The following PLA2G4D variants were observed in gnomAD, a reference collection of about 807,000 sequenced individuals.
The protein encoded by PLA2G4D is phospholipase A2 group IVD, also known as cytosolic phospholipase A2 delta.
A neutral mutation model predicts 94.4 loss-of-function variants in PLA2G4D; 80 were observed. The ratio of observed to expected loss-of-function variants is 0.85; its 90% CI spans 0.71 to 1.02. The LOEUF is 1.02. Among genes scored for constraint, PLA2G4D ranks in the 50% least tolerant of loss-of-function variants. The pLI, the probability that PLA2G4D is intolerant of heterozygous loss-of-function variation, is 0.00. For synonymous variants in PLA2G4D, 438 were observed against 440.9 expected (o/e 0.99, Z 0.08); for missense variants, 1,050 against 1,034.7 (o/e 1.01, Z -0.20).
At chr15:42,079,389 A>G (rs570404087) in intron 13 of PLA2G4D, 148 bp downstream of exon 13, 3 of 752,826 alleles carry the variant, frequency 4.0e-6, no homozygotes, top group Non-Finnish European at 6.1e-6. Context: ...CTAACTCAGA[A>G]AGGCAGCATT....
rs1566863208 is a variant in PLA2G4D, at chr15:42,081,144, CACAG to C, written c.958-15_958-12del. 1.2e-5 allele frequency: 19 copies of C among 1,611,546 alleles called. No homozygotes were observed. Among genetic ancestry groups the C allele is most frequent in the Non-Finnish European group, 1.5e-5 (18 of 1,178,448 alleles). On this transcript the variant is annotated splice_polypyrimidine_tract_variant and intron_variant, in intron 11 of 19. Transcript: ENST00000290472. The stretch of plus-strand genomic sequence containing the variant: ...GCCCACAACGGGTACCTGGACCACA[CACAG>C]ACAGGCTGGATTAACAAGGAAAGGG...
In PLA2G4D at chr15:42,068,005, C is replaced by T. The variant is rs1479569345; in HGVS notation, c.*710G>A. 2 of 152,190 alleles carry T rather than the reference C, an allele frequency of 1.3e-5. No individual in the cohort carries two copies. Among genetic ancestry groups the T allele is most frequent in the Admixed American group, 1.3e-4 (2 of 15,274 alleles). 9.4% of individuals were successfully genotyped at this position (152,190 alleles called of 1,614,324 possible). On this transcript the variant is annotated 3_prime_UTR_variant, in exon 20 of 20. Coordinates refer to ENST00000290472, the MANE Select transcript of PLA2G4D (RefSeq NM_178034.4). ...ATCAGACAGGAAGAAGTAAAACCAT[C>T]TCTATTTGGAGATGGCATGATCTGT...
At chr15:42,071,613 G>T in intron 15 of PLA2G4D, 62 bp from the exon 16 acceptor site, 1 of 1,533,742 alleles carries the variant, frequency 6.5e-7, no homozygotes, top group Non-Finnish European at 8.9e-7. Context: ...CTCAGGTACT[G>T]ATGGAAAATG....
chr15:42,069,191 CACATGTCTCT>C (rs1889750698), intron 19 of PLA2G4D, among the ~76,000 whole-genome samples: 1 of 152,168 alleles, frequency 6.6e-6, no homozygotes, highest in Non-Finnish European at 1.5e-5. Flanking sequence ...CAGGCAGCCC[CACATGTCTCT>C]ACATCGCTTC....
Position 42,082,760 on chromosome 15 carries a change from TGAG to T in PLA2G4D, c.673-374_673-372del, listed in dbSNP as rs377616093. Reference sequence around the variant, plus strand: ...AGAGCCACCATTTGAGCTAAGATGTTGAGGAGGAGGAGGAGGAGGCAGCCTTGG... The same window carrying T: ...AGAGCCACCATTTGAGCTAAGATGTTGAGGAGGAGGAGGAGGCAGCCTTGG... On this transcript the variant is annotated intron_variant, in intron 8 of 19. Transcript: ENST00000290472. Among the ~76,000 whole-genome samples, 160 of 151,516 alleles carry T rather than the reference TGAG, an allele frequency of 1.1e-3. 1 individual carries two copies. The highest frequency in any genetic ancestry group is 3.8e-3 in the African/African-American group (155 of 41,332).
At chr15:42,088,957 C>T (rs1890202317) in intron 1 of PLA2G4D, among the ~76,000 whole-genome samples, 1 of 152,192 alleles carries the variant, frequency 6.6e-6, no homozygotes, top group Non-Finnish European at 1.5e-5. Flanking sequence ...CCCTGCTGAA[C>T]AACCCAGAGA....
chr15:42,083,914 TGC>T (rs1367592095), intron 6 of PLA2G4D, 135 bp from the exon 7 acceptor site: 33 of 823,812 alleles, frequency 4.0e-5, no homozygotes, highest in Middle Eastern at 2.7e-4. Context: ...TGGGATTGGC[TGC>T]AGAGGCCCTT....
intron 1 of PLA2G4D, among the ~76,000 whole-genome samples, chr15:42,091,817 A>G (rs1852015623): frequency 6.6e-6 from 1 of 152,144 alleles, no homozygotes; most frequent in Non-Finnish European, 1.5e-5. Flanking sequence ...TGCAGAAATA[A>G]TGGCGTAAGC....
intron 3 of PLA2G4D, among the ~76,000 whole-genome samples, chr15:42,086,617 G>T (rs1399833070): frequency 6.6e-6 from 1 of 152,192 alleles, no homozygotes; most frequent in Non-Finnish European, 1.5e-5. Context: ...TTGGGAGGCT[G>T]AGGTGGGTGG....
At position 42,070,872 on chromosome 15, in the gene PLA2G4D, C is replaced by A; in HGVS notation, c.1888G>T (p.Asp630Tyr). The A allele has an allele frequency of 6.2e-7, 1 of 1,611,646 alleles. No homozygotes were observed. The highest frequency in any genetic ancestry group is 1.1e-5 in the South Asian group (1 of 90,432). Residue 630 changes from aspartate to tyrosine, a missense_variant, in exon 18 of 20, where the codon GAC becomes TAC. By Grantham distance (160) the Asp-to-Tyr change is radical. Coordinates refer to ENST00000290472, the MANE Select transcript of PLA2G4D (RefSeq NM_178034.4). Reference sequence around the variant, plus strand: ...GGGGTCAGCTGGCTGGGCATGGAGTCAAGCTGGTAGTCTGGTGGGAATCGC... The same window carrying A: ...GGGGTCAGCTGGCTGGGCATGGAGTAAAGCTGGTAGTCTGGTGGGAATCGC... ...DFSTWADYQLDSMPSQLTPKE... is the reference protein window; with the variant it reads ...DFSTWADYQLYSMPSQLTPKE...
chr15:42,072,238 G>A (rs1889839399), intron 14 of PLA2G4D, 37 bp downstream of exon 14: 3 of 1,537,864 alleles, frequency 2.0e-6, no homozygotes, highest in Non-Finnish European at 1.8e-6. Flanking sequence ...GGGTTTGGGG[G>A]GTGGAGTATG....
At chr15:42,081,728 C>T in intron 10 of PLA2G4D, 69 bp downstream of exon 10, 1 of 1,613,366 alleles carries the variant, frequency 6.2e-7, no homozygotes, top group Non-Finnish European at 8.5e-7. Context: ...CAAGGACCAC[C>T]TTTGTCCATA....
intron 1 of PLA2G4D, among the ~76,000 whole-genome samples, chr15:42,089,254 C>T (rs1890209840): frequency 6.6e-6 from 1 of 152,150 alleles, no homozygotes; most frequent in South Asian, 2.1e-4. Context: ...TTCTCGGTGC[C>T]CACAAGGACT....
Position 42,085,157 on chromosome 15 carries a change from G to A in PLA2G4D, c.429-19C>T. Reference sequence around the variant, plus strand: ...ATCTGACCTGGAAAAATCAAACCATGCAAAGGCAAACGCTTCCTGCATTGA... The same window carrying A: ...ATCTGACCTGGAAAAATCAAACCATACAAAGGCAAACGCTTCCTGCATTGA... On this transcript the variant is annotated intron_variant, in intron 5 of 19. Transcript: ENST00000290472. 6.2e-7 allele frequency: 1 copy of A among 1,614,144 alleles called. No individual in the cohort carries two copies. Among genetic ancestry groups the A allele is most frequent in the South Asian group, 1.1e-5 (1 of 91,080 alleles).
At chr15:42,076,229 G>C (rs948486082) in intron 13 of PLA2G4D, among the ~76,000 whole-genome samples, 3 of 152,118 alleles carry the variant, frequency 2.0e-5, no homozygotes, top group African/African-American at 7.2e-5. Flanking sequence ...CAATAGATGA[G>C]ACTGGGAAAA....
intron 1 of PLA2G4D, 138 bp downstream of exon 1, chr15:42,094,277 T>C: frequency 1.2e-6 from 1 of 863,526 alleles, no homozygotes; most frequent in South Asian, 1.6e-5. Context: ...CCACCCACTC[T>C]GCATCCCAAA....
intron 1 of PLA2G4D, among the ~76,000 whole-genome samples, chr15:42,093,926 C>T (rs930913818): frequency 2.0e-5 from 3 of 152,058 alleles, no homozygotes; most frequent in African/African-American, 4.8e-5. Flanking sequence ...GGGGGGGTGG[C>T]GAGAAGTTTG....
At position 42,083,770 on chromosome 15, in the gene PLA2G4D, G is replaced by T. The variant is rs1890089260; in HGVS notation, c.481C>A (p.Leu161Met). 1 of 1,613,808 alleles carries T rather than the reference G, an allele frequency of 6.2e-7. No individual in the cohort carries two copies. The highest frequency in any genetic ancestry group is 1.3e-5 in the African/African-American group (1 of 75,054). Residue 161 changes from leucine (L) to methionine (M), a missense_variant, in exon 7 of 20, where the codon CTG becomes ATG. Leu to Met is a conservative substitution (Grantham distance 15). Coordinates refer to ENST00000290472, the MANE Select transcript of PLA2G4D (RefSeq NM_178034.4). Reference sequence around the variant, plus strand: ...TCCAGATGCACATCCAGGCATGACAGCTCTCGGGCCTGGGGAAGACCACAT... The same window carrying T: ...TCCAGATGCACATCCAGGCATGACATCTCTCGGGCCTGGGGAAGACCACAT... ...ITNKVIVARE[L>M]SCLDVHLDST...
At position 42,080,981 on chromosome 15, in the gene PLA2G4D, C is replaced by G. The variant is rs780086051; in HGVS notation, c.1094+16G>C. The G allele has an allele frequency of 6.2e-7, 1 of 1,611,774 alleles. No homozygotes were observed. The highest frequency in any genetic ancestry group is 1.7e-5 in the Admixed American group (1 of 59,774). ...CCCCTGATTGTCTCTGCCACCCAGT[C>G]CCCCAGGATCCTCACCACGTAGAGC... On this transcript the variant is annotated intron_variant, in intron 12 of 19. Coordinates refer to ENST00000290472, the MANE Select transcript of PLA2G4D (RefSeq NM_178034.4).
Sources: allele counts gnomAD v4.1 joint callset (sites outside exome capture counted in the v4.1 genomes callset), GRCh38; gene constraint gnomAD v4.1.1; transcripts MANE v1.5; gene names NCBI Gene and HGNC (gene_info 2026-07-23, HGNC 2026-07-21).